Variants in CHL1 observed in about 807,000 individuals in gnomAD.
CHL1 encodes neural cell adhesion molecule L1-like protein.
In CHL1, 96 loss-of-function variants were observed where a neutral mutation model predicts 141.9. The observed-to-expected ratio is 0.68, with a 90% CI of 0.57 to 0.80. CHL1 has a LOEUF of 0.80. CHL1 is among the 30% of genes least tolerant of loss of function. CHL1 has a pLI of 0.00. For synonymous variants in CHL1, 613 were observed against 502.2 expected (o/e 1.22, Z -2.95); for missense variants, 1,820 against 1,457.2 (o/e 1.25, Z -4.05).
At chr3:274,749 G>A (rs969676404) in intron 2 of CHL1, among the ~76,000 whole-genome samples, 1 of 152,162 alleles carries the variant, frequency 6.6e-6, no homozygotes, top group African/African-American at 2.4e-5. Flanking sequence ...CACAATTTGT[G>A]AAATACAGGT....
intron 1 of CHL1, among the ~76,000 whole-genome samples, chr3:216,472 C>G (rs1005596552): frequency 6.6e-6 from 1 of 152,046 alleles, no homozygotes; most frequent in African/African-American, 2.4e-5. Context: ...AAACGTTGTA[C>G]CAGAATACTT....
chr3:223,064 C>G (rs1167661746), intron 1 of CHL1, among the ~76,000 whole-genome samples: 4 of 152,146 alleles, frequency 2.6e-5, no homozygotes, highest in African/African-American at 9.7e-5. Flanking sequence ...TCTCAAAATC[C>G]TGAATCACCT....
intron 2 of CHL1, among the ~76,000 whole-genome samples, chr3:273,778 A>T (rs1574927713): frequency 6.6e-6 from 1 of 152,272 alleles, no homozygotes; most frequent in East Asian, 1.9e-4. Context: ...AGGTGGTAGG[A>T]TGGTAATATG....
intron 2 of CHL1, among the ~76,000 whole-genome samples, chr3:292,468 T>C (rs1040517219): frequency 5.9e-5 from 9 of 152,220 alleles, no homozygotes; most frequent in African/African-American, 2.2e-4. Context: ...GGAAACAGTG[T>C]CTACAAGACC....
intron 27 of CHL1, among the ~76,000 whole-genome samples, chr3:404,995 A>G (rs1388777067): frequency 1.3e-5 from 2 of 152,178 alleles, no homozygotes; most frequent in East Asian, 1.9e-4. Flanking sequence ...GTGTCCTCAC[A>G]TCGTGAAAGG....
At chr3:324,703 A>C (rs918523134) in intron 3 of CHL1, among the ~76,000 whole-genome samples, 7 of 151,762 alleles carry the variant, frequency 4.6e-5, no homozygotes, top group African/African-American at 1.5e-4. Context: ...CAGTGGCTTG[A>C]TCACACCTCA....
intron 2 of CHL1, among the ~76,000 whole-genome samples, chr3:308,241 T>C (rs1049985031): frequency 3.3e-5 from 5 of 152,252 alleles, no homozygotes; most frequent in Admixed American, 3.3e-4. Context: ...GACATATGTA[T>C]GAAATTCATT....
In CHL1 at chr3:400,586, C is replaced by CTTTTTT. The variant is rs11374109; in HGVS notation, c.3386-1030_3386-1025dup. ...AGGAAGAACAATTTGTATTTGAGGGCTTTTTTTTTTTTTTTAAGTAAAGGG... is the reference window on the plus strand; with the variant it reads ...AGGAAGAACAATTTGTATTTGAGGGCTTTTTTTTTTTTTTTTTTTTTAAGTAAAGGG... On this transcript the variant is annotated intron_variant, in intron 26 of 27. Transcript: ENST00000256509. Among the ~76,000 whole-genome samples the CTTTTTT allele has an allele frequency of 3.0e-3, 425 of 139,534 alleles. 8 individuals are homozygous for CTTTTTT. The highest frequency in any genetic ancestry group is 0.011 in the African/African-American group (400 of 36,680). The allele number at this position is 139,534 out of a possible 152,430, so 91.5% of individuals were successfully genotyped here. A position where few individuals can be genotyped will look rare whatever the true frequency, so the allele number is the denominator to read the frequency against.
chr3:349,271 C>T, intron 9 of CHL1, 88 bp from the exon 10 acceptor site: 1 of 1,149,108 alleles, frequency 8.7e-7, no homozygotes, highest in East Asian at 2.6e-5. Context: ...TGTAAAAGCA[C>T]CCTGATAAAG....
chr3:337,076 C>T (rs1575101140), intron 5 of CHL1, among the ~76,000 whole-genome samples: 1 of 151,938 alleles, frequency 6.6e-6, no homozygotes, highest in Non-Finnish European at 1.5e-5. Context: ...AAGATAGATG[C>T]TGTGATATGC....
At chr3:277,317 C>G (rs1163138502) in intron 2 of CHL1, among the ~76,000 whole-genome samples, 1 of 152,032 alleles carries the variant, frequency 6.6e-6, no homozygotes, top group East Asian at 1.9e-4. Context: ...TAAAGGCATT[C>G]TTAAGGAAGT....
intron 5 of CHL1, among the ~76,000 whole-genome samples, chr3:329,585 A>G (rs571988366): frequency 1.2e-4 from 19 of 152,058 alleles, no homozygotes; most frequent in African/African-American, 4.3e-4. Context: ...TAAAGGAGAG[A>G]AAAAAAGTAA....
chr3:243,904 T>G (rs1459326436), intron 1 of CHL1, among the ~76,000 whole-genome samples: 2 of 152,194 alleles, frequency 1.3e-5, no homozygotes, highest in Non-Finnish European at 2.9e-5. Context: ...TGATGCCTAA[T>G]AGAAAGTAGA....
intron 27 of CHL1, 135 bp from the exon 28 acceptor site, chr3:405,360 G>T: frequency 1.6e-6 from 1 of 614,178 alleles, no homozygotes. Flanking sequence ...TATCATGTGG[G>T]CTTTACTATC....
chr3:355,820 C>T (rs758722286), intron 11 of CHL1, among the ~76,000 whole-genome samples: 14 of 152,180 alleles, frequency 9.2e-5, no homozygotes, highest in Non-Finnish European at 1.6e-4. Context: ...CTGTAGAGCA[C>T]TGTGATGGTT....
At chr3:358,140 A>T (rs1417505004) in intron 11 of CHL1, among the ~76,000 whole-genome samples, 1 of 152,178 alleles carries the variant, frequency 6.6e-6, no homozygotes, top group African/African-American at 2.4e-5. Flanking sequence ...ATTTCTGTAA[A>T]AGTCCAACAC....
At chr3:338,522 T>C (rs1047161070) in intron 5 of CHL1, among the ~76,000 whole-genome samples, 3 of 152,188 alleles carry the variant, frequency 2.0e-5, no homozygotes. Flanking sequence ...TATCTGTGAG[T>C]GTTAAAATTT....
At chr3:310,291 T>C (rs1282845810) in intron 2 of CHL1, among the ~76,000 whole-genome samples, 2 of 151,788 alleles carry the variant, frequency 1.3e-5, no homozygotes, top group African/African-American at 4.8e-5. Context: ...ATTAGCTGCA[T>C]GTGGTGGCGG....
intron 16 of CHL1, 69 bp from the exon 17 acceptor site, chr3:382,110 A>G: frequency 7.5e-7 from 1 of 1,326,158 alleles, no homozygotes. Flanking sequence ...GTAGCTGGCA[A>G]TGTGTCTGAG....
Sources: gnomAD v4.1 joint callset for allele counts (sites outside exome capture counted in the v4.1 genomes callset) on GRCh38, gnomAD v4.1.1 for gene constraint, MANE v1.5 for transcripts, NCBI Gene and HGNC (gene_info 2026-07-23, HGNC 2026-07-21) for gene names.